The following GPR55 variants were observed in gnomAD, a reference collection of about 807,000 sequenced individuals.
The protein encoded by GPR55 is G protein-coupled receptor 55, also known as G-protein coupled receptor 55.
In GPR55, 6 loss-of-function variants were observed where a neutral mutation model predicts 7.9. That is an observed-to-expected ratio of 0.76 (90% CI 0.41 to 1.49). The LOEUF (loss-of-function observed/expected upper bound fraction) is 1.49, where lower values mean the gene tolerates loss of function less well. Ranked by LOEUF, GPR55 falls within the 40% of genes most tolerant of loss-of-function variation. GPR55 has a pLI of 0.01. For missense variants in GPR55, 376 were observed against 406.0 expected, an observed-to-expected ratio of 0.93 and a Z score of 0.63; for synonymous variants, 183 against 166.8, an observed-to-expected ratio of 1.10 and a Z score of -0.75.
At chr2:230,912,099 C>T (rs1690606131) in intron 1 of GPR55, among the ~76,000 whole-genome samples, 1 of 152,204 alleles carries the variant, frequency 6.6e-6, no homozygotes, top group Non-Finnish European at 1.5e-5. Context: ...TTCCCTCTCC[C>T]CACATGTGAG....
chr2:230,929,149 G>A (rs761989917), upstream of GPR55, among the ~76,000 whole-genome samples: 7 of 152,012 alleles, frequency 4.6e-5, no homozygotes, highest in African/African-American at 9.7e-5. Flanking sequence ...CACTGCATCC[G>A]GCCACCAAGC....
intron 1 of GPR55, among the ~76,000 whole-genome samples, chr2:230,914,180 C>T (rs548313545): frequency 2.6e-4 from 40 of 152,298 alleles, no homozygotes; most frequent in African/African-American, 7.9e-4. Flanking sequence ...GGGGAACAAA[C>T]GAATAACAAC....
At chr2:230,941,104 A>G (rs538727994) in intron 1 of GPR55, among the ~76,000 whole-genome samples, 52 of 151,872 alleles carry the variant, frequency 3.4e-4, no homozygotes, top group Non-Finnish European at 5.9e-4. Flanking sequence ...GCGACAGAGC[A>G]AGACTCCATC....
chr2:230,939,202 T>TG (rs112691432), intron 1 of GPR55, among the ~76,000 whole-genome samples: 3,762 of 152,244 alleles, frequency 0.025, 146 homozygotes, highest in African/African-American at 0.086. Flanking sequence ...TGTGGAGTTC[T>TG]GGGGGGGCAG....
At chr2:230,915,371 C>CT (rs1413937184) in intron 1 of GPR55, among the ~76,000 whole-genome samples, 3 of 152,216 alleles carry the variant, frequency 2.0e-5, no homozygotes, top group Admixed American at 1.3e-4. Context: ...GGAGTGCTGC[C>CT]TTTCTACCAT....
At chr2:230,914,680 C>A (rs1690669316) in intron 1 of GPR55, among the ~76,000 whole-genome samples, 1 of 152,156 alleles carries the variant, frequency 6.6e-6, no homozygotes, top group Non-Finnish European at 1.5e-5. Flanking sequence ...GGGGCAGCAA[C>A]TAGCACCATT....
chr2:230,924,049 C>G lies in GPR55; in HGVS notation c.-135+1119G>C, dbSNP rs935474347. Among the ~76,000 whole-genome samples, 3 of 152,238 alleles carry G rather than the reference C, an allele frequency of 2.0e-5. No individual in the cohort carries two copies. In the South Asian group the frequency reaches 6.2e-4, roughly 32 times the overall value. On this transcript the variant is annotated intron_variant, in intron 1 of 1. Coordinates refer to ENST00000650999, the MANE Select transcript of GPR55 (RefSeq NM_005683.4). This position sits in a 1 kb window ranked among gnomAD's most constrained non-coding sequence, Gnocchi z 4.5. ...TTCCCAGTGCAGTCCTGAGTGGGTG[C>G]CTTGAAAAGTCCTCTGTGTATCCCA...
chr2:230,930,301 A>AGG (rs1691014501), intron 1 of GPR55, among the ~76,000 whole-genome samples: 1 of 152,214 alleles, frequency 6.6e-6, no homozygotes, highest in African/African-American at 2.4e-5. Flanking sequence ...CTTTGCCCAC[A>AGG]TGCCCATCAG....
chr2:230,954,949 A>G (rs1474872429), intron 1 of GPR55, among the ~76,000 whole-genome samples: 2 of 152,242 alleles, frequency 1.3e-5, no homozygotes, highest in Non-Finnish European at 2.9e-5. Flanking sequence ...AATCCTTAAT[A>G]TAGTCTTCTA....
At chr2:230,957,807 G>A in intron 1 of GPR55, 1 of 570,992 alleles carries the variant, frequency 1.8e-6, no homozygotes, top group Non-Finnish European at 3.5e-6. Flanking sequence ...TGGTGACTTT[G>A]GGATGCTGGT....
intron 1 of GPR55, among the ~76,000 whole-genome samples, chr2:230,939,727 G>A (rs923481079): frequency 3.9e-5 from 6 of 152,186 alleles, no homozygotes; most frequent in Non-Finnish European, 8.8e-5. Flanking sequence ...TGCTCTAAAG[G>A]GAACAAGGAG....
At chr2:230,958,299 A>T (rs1192395020) in intron 1 of GPR55, among the ~76,000 whole-genome samples, 1 of 152,176 alleles carries the variant, frequency 6.6e-6, no homozygotes, top group African/African-American at 2.4e-5. Flanking sequence ...TATTTATGGG[A>T]TATATGAGAT....
intron 1 of GPR55, among the ~76,000 whole-genome samples, chr2:230,916,445 G>A (rs1298695340): frequency 1.3e-5 from 2 of 151,960 alleles, no homozygotes; most frequent in East Asian, 3.9e-4. Context: ...GATCGCTTGA[G>A]CCCAGGAGTT....
chr2:230,939,701 C>T (rs1016703264), intron 1 of GPR55, among the ~76,000 whole-genome samples: 1 of 152,118 alleles, frequency 6.6e-6, no homozygotes, highest in Non-Finnish European at 1.5e-5. Flanking sequence ...GAGAGCCTGG[C>T]GTGCAGGCCA....
At chr2:230,943,378 C>T (rs1473668598) in intron 1 of GPR55, among the ~76,000 whole-genome samples, 1 of 152,164 alleles carries the variant, frequency 6.6e-6, no homozygotes, top group East Asian at 1.9e-4. Flanking sequence ...CTAGCCAGCC[C>T]CTCCGTGGAG....
chr2:230,941,765 C>A (rs947124016), intron 1 of GPR55, among the ~76,000 whole-genome samples: 8 of 152,214 alleles, frequency 5.3e-5, no homozygotes, highest in Non-Finnish European at 8.8e-5. Context: ...TCCCCTTTAT[C>A]AGCTCATGTC....
intron 1 of GPR55, among the ~76,000 whole-genome samples, chr2:230,939,665 G>A (rs552520067): frequency 6.2e-4 from 94 of 152,314 alleles, no homozygotes; most frequent in African/African-American, 2.1e-3. Flanking sequence ...TAACAGGGCC[G>A]TGTCCATGTA....
chr2:230,939,750 C>G (rs1691191673), intron 1 of GPR55, among the ~76,000 whole-genome samples: 1 of 152,142 alleles, frequency 6.6e-6, no homozygotes, highest in South Asian at 2.1e-4. Context: ...CGGGTAGAAC[C>G]AGGTGAGGAG....
chr2:230,939,826 C>T (rs972016554), intron 1 of GPR55, among the ~76,000 whole-genome samples: 5 of 152,036 alleles, frequency 3.3e-5, no homozygotes, highest in East Asian at 1.9e-4. Flanking sequence ...GTCCTTGTTT[C>T]GGGAGGAAGC....
Sources: gnomAD v4.1 joint callset for allele counts (sites outside exome capture counted in the v4.1 genomes callset) on GRCh38, gnomAD v4.1.1 for gene constraint, Gnocchi (gnomAD v3.1) non-coding constraint, MANE v1.5 for transcripts, NCBI Gene and HGNC (gene_info 2026-07-23, HGNC 2026-07-21) for gene names.